The following HIVEP3 variants were observed in gnomAD, a reference collection of about 807,000 sequenced individuals.
HIVEP3 encodes the protein HIVEP zinc finger 3.
Under a neutral mutation model 152.8 loss-of-function variants are expected in HIVEP3, and 49 were observed. The ratio of observed to expected loss-of-function variants is 0.32; its 90% CI spans 0.26 to 0.41. HIVEP3 has a LOEUF of 0.41. Among genes scored for constraint, HIVEP3 ranks in the 10% least tolerant of loss-of-function variants. HIVEP3 has a pLI of 1.00. For synonymous variants in HIVEP3, 1,269 were observed against 1,289.0 expected (o/e 0.98, Z 0.33); for missense variants, 2,790 against 3,103.3 (o/e 0.90, Z 2.40).
chr1:41,518,812 A>C (rs371471836), intron 6 of HIVEP3, among the ~76,000 whole-genome samples: 2 of 147,434 alleles, frequency 1.4e-5, no homozygotes, highest in East Asian at 3.9e-4. Context: ...ACTCAAGTGC[A>C]ATAGGTTTTT....
intron 2 of HIVEP3, among the ~76,000 whole-genome samples, chr1:41,641,916 A>C (rs113228553): frequency 2.2e-4 from 34 of 152,348 alleles, no homozygotes; most frequent in African/African-American, 8.2e-4. Context: ...GCTCTGAGTT[A>C]TTGACATGAC....
intron 2 of HIVEP3, among the ~76,000 whole-genome samples, chr1:41,658,985 G>C (rs991354389): frequency 6.6e-6 from 1 of 152,178 alleles, no homozygotes; most frequent in African/African-American, 2.4e-5. Flanking sequence ...CAGATCTAGA[G>C]GGCAGCCCCG....
chr1:41,806,187 A>G (rs992941319), intron 1 of HIVEP3, among the ~76,000 whole-genome samples: 6 of 152,040 alleles, frequency 3.9e-5, no homozygotes, highest in Non-Finnish European at 8.8e-5. Context: ...CTCTGCCACC[A>G]AGGCCCCTCT....
At chr1:41,639,666 C>T (rs1364539418) in intron 2 of HIVEP3, among the ~76,000 whole-genome samples, 3 of 152,174 alleles carry the variant, frequency 2.0e-5, no homozygotes, top group African/African-American at 7.2e-5. Flanking sequence ...CTGTGGTCAG[C>T]CTTCCGGCTC....
intron 1 of HIVEP3, among the ~76,000 whole-genome samples, chr1:41,865,897 A>G (rs1643961340): frequency 6.6e-6 from 1 of 152,166 alleles, no homozygotes; most frequent in African/African-American, 2.4e-5. Context: ...ACCACATAAC[A>G]CGGAGCTTTG....
chr1:41,776,051 T>C (rs973849424), intron 1 of HIVEP3, among the ~76,000 whole-genome samples: 5 of 152,152 alleles, frequency 3.3e-5, no homozygotes, highest in African/African-American at 9.7e-5. Flanking sequence ...TCTATAAAGA[T>C]TTGGGTTTCC....
At chr1:41,648,791 C>T (rs1285285322) in intron 2 of HIVEP3, among the ~76,000 whole-genome samples, 1 of 152,254 alleles carries the variant, frequency 6.6e-6, no homozygotes, top group East Asian at 1.9e-4. Flanking sequence ...ATGGCCTCTG[C>T]CACTGAAGCC....
intron 1 of HIVEP3, among the ~76,000 whole-genome samples, chr1:41,747,234 C>G (rs189853331): frequency 1.3e-5 from 2 of 152,142 alleles, no homozygotes; most frequent in African/African-American, 4.8e-5. Context: ...AGGGGTGGTA[C>G]GCTGGGCCAG....
intron 1 of HIVEP3, among the ~76,000 whole-genome samples, chr1:41,891,315 A>G (rs995274797): frequency 1.3e-5 from 2 of 152,212 alleles, no homozygotes; most frequent in Admixed American, 6.5e-5. Context: ...TGGGTTGCAC[A>G]TGTATTTCTA....
At chr1:41,715,483 A>G (rs1022287962) in intron 1 of HIVEP3, among the ~76,000 whole-genome samples, 2 of 152,170 alleles carry the variant, frequency 1.3e-5, no homozygotes, top group Non-Finnish European at 2.9e-5. Context: ...GCACCAGCCA[A>G]CTGTTTGTCA....
chr1:41,793,424 G>C (rs1649810316), intron 1 of HIVEP3, among the ~76,000 whole-genome samples: 1 of 152,158 alleles, frequency 6.6e-6, no homozygotes, highest in African/African-American at 2.4e-5. Flanking sequence ...TGCCACAAAA[G>C]TTCCTAGGGT....
chr1:41,635,076 G>A (rs557322104), intron 2 of HIVEP3, among the ~76,000 whole-genome samples: 13 of 152,102 alleles, frequency 8.5e-5, no homozygotes, highest in South Asian at 4.1e-4. Flanking sequence ...CAAAATGCAC[G>A]AATTGTACGG....
At chr1:41,865,894 A>G (rs1643961123) in intron 1 of HIVEP3, among the ~76,000 whole-genome samples, 6 of 152,198 alleles carry the variant, frequency 3.9e-5, no homozygotes, top group Admixed American at 3.9e-4. Context: ...AAAACCACAT[A>G]ACACGGAGCT....
chr1:41,962,423 A>G (rs1239377659), intron 1 of HIVEP3, among the ~76,000 whole-genome samples: 2 of 152,250 alleles, frequency 1.3e-5, no homozygotes, highest in Admixed American at 6.5e-5. Context: ...GTTGATCAGG[A>G]AAAATAAGGA....
intron 3 of HIVEP3, among the ~76,000 whole-genome samples, chr1:41,590,808 G>A (rs2149115343): frequency 6.6e-6 from 1 of 152,290 alleles, no homozygotes; most frequent in East Asian, 1.9e-4. Context: ...CCTGTAGCAA[G>A]GTAAGCATCC....
At chr1:41,837,725 A>T (rs1269560808) in intron 1 of HIVEP3, among the ~76,000 whole-genome samples, 1 of 152,188 alleles carries the variant, frequency 6.6e-6, no homozygotes, top group Non-Finnish European at 1.5e-5. Context: ...AAAATACAAG[A>T]CTTACAGGCA....
At chr1:41,771,096 C>T (rs1468606470) in intron 1 of HIVEP3, among the ~76,000 whole-genome samples, 1 of 152,060 alleles carries the variant, frequency 6.6e-6, no homozygotes, top group Non-Finnish European at 1.5e-5. Flanking sequence ...GGAGAAAAAT[C>T]ATAGAAATAA....
In HIVEP3 at chr1:41,993,592, C is replaced by T. The variant is rs193016856; in HGVS notation, n.119+42215G>A. 3.1e-3 allele frequency among the ~76,000 whole-genome samples: 467 copies of T among 152,256 alleles called. 1 individual carries two copies. Among genetic ancestry groups the T allele is most frequent in the African/African-American group, 0.011 (451 of 41,548 alleles). On this transcript the variant is annotated intron_variant and non_coding_transcript_variant, in intron 1 of 3. Coordinates refer to the HIVEP3 transcript ENST00000489103. ...TCAACCATTGTGGAATTCAGTGCGG[C>T]GATTCCTCAGGAATCTAGAACCAGA...
At chr1:41,649,965 C>T (rs1190742456) in intron 2 of HIVEP3, among the ~76,000 whole-genome samples, 2 of 151,958 alleles carry the variant, frequency 1.3e-5, no homozygotes, top group Non-Finnish European at 2.9e-5. Context: ...GGAAGGGAGT[C>T]AGGAAAGCCC....
Sources: gnomAD v4.1 joint callset for allele counts (sites outside exome capture counted in the v4.1 genomes callset) on GRCh38, gnomAD v4.1.1 for gene constraint, MANE v1.5 for transcripts, NCBI Gene and HGNC (gene_info 2026-07-23, HGNC 2026-07-21) for gene names.